The following SAMD4A variants were observed in gnomAD, a reference collection of about 807,000 sequenced individuals.
SAMD4A encodes sterile alpha motif domain containing 4A, also known as protein Smaug homolog 1.
In SAMD4A, 33 loss-of-function variants were observed where a neutral mutation model predicts 81.3. That is an observed-to-expected ratio of 0.41 (90% CI 0.31 to 0.54). The LOEUF is 0.54. Among genes scored for constraint, SAMD4A ranks in the 20% least tolerant of loss-of-function variants. SAMD4A has a pLI of 0.37. For synonymous variants in SAMD4A, 389 were observed against 382.1 expected (o/e 1.02, Z -0.21); for missense variants, 854 against 951.1 (o/e 0.90, Z 1.34).
At chr14:54,664,555 A>G (rs2035715028) in intron 2 of SAMD4A, among the ~76,000 whole-genome samples, 1 of 151,922 alleles carries the variant, frequency 6.6e-6, no homozygotes, top group Non-Finnish European at 1.5e-5. Flanking sequence ...TTTCTCACAA[A>G]TGCACTTCCT....
In SAMD4A at chr14:54,710,319, G is replaced by A. The variant is rs566058847; in HGVS notation, c.715+7739G>A. Among the ~76,000 whole-genome samples, 4 of 152,210 alleles carry A rather than the reference G, an allele frequency of 2.6e-5. No homozygotes were observed. The East Asian group carries it at 7.7e-4, about 29-fold the overall frequency. ...CAATGATAGCACACACCTACATAGTGTTTACTATATATTGGGTACTGTTTA... is the reference window on the plus strand; with the variant it reads ...CAATGATAGCACACACCTACATAGTATTTACTATATATTGGGTACTGTTTA... On this transcript the variant is annotated intron_variant, in intron 3 of 12. Transcript: ENST00000554335.
In SAMD4A at chr14:54,776,546, G is replaced by A; in HGVS notation, c.2044+6G>A. 6.4e-7 allele frequency: 1 copy of A among 1,556,436 alleles called. No individual in the cohort carries two copies. The highest frequency in any genetic ancestry group is 8.7e-7 in the Non-Finnish European group (1 of 1,154,340). ...GCTGATGTTCCAGCAGCCAGGTAGGGCCCGGCGCTTCATGTCCCCTTGACA... is the reference window on the plus strand; with the variant it reads ...GCTGATGTTCCAGCAGCCAGGTAGGACCCGGCGCTTCATGTCCCCTTGACA... On this transcript the variant is annotated splice_donor_region_variant and intron_variant, in intron 11 of 12. Coordinates refer to ENST00000554335, the MANE Select transcript of SAMD4A (RefSeq NM_015589.6).
intron 2 of SAMD4A, among the ~76,000 whole-genome samples, chr14:54,596,851 G>A (rs897923796): frequency 1.3e-5 from 2 of 152,156 alleles, no homozygotes; most frequent in Admixed American, 6.5e-5. Flanking sequence ...GGTTCTTGGT[G>A]GGGGAGGGGG....
At chr14:54,771,168 C>G (rs1376571823) in intron 9 of SAMD4A, among the ~76,000 whole-genome samples, 1 of 152,122 alleles carries the variant, frequency 6.6e-6, no homozygotes, top group Non-Finnish European at 1.5e-5. Context: ...GAAAAGACTT[C>G]ATGAAAGATT....
chr14:54,620,019 A>C lies in SAMD4A; in HGVS notation c.196+51907A>C, dbSNP rs182184733. On this transcript the variant is annotated intron_variant, in intron 2 of 12. Transcript: ENST00000554335. ...AACTTCTATCATCTAGATGACCTTAAATTTAGCATTTCTTCTACCAGTCAT... is the reference window on the plus strand; with the variant it reads ...AACTTCTATCATCTAGATGACCTTACATTTAGCATTTCTTCTACCAGTCAT... 9.9e-5 allele frequency among the ~76,000 whole-genome samples: 15 copies of C among 151,884 alleles called. No homozygotes were observed. In the East Asian group the frequency reaches 2.3e-3, roughly 23 times the overall value.
At chr14:54,678,611 C>G (rs896227153) in intron 2 of SAMD4A, among the ~76,000 whole-genome samples, 2 of 144,134 alleles carry the variant, frequency 1.4e-5, no homozygotes, top group Non-Finnish European at 3.0e-5. Flanking sequence ...TGCAGCGGCG[C>G]GATCACGGCT....
chr14:54,662,584 A>AT (rs930273395), intron 2 of SAMD4A, among the ~76,000 whole-genome samples: 119 of 146,740 alleles, frequency 8.1e-4, no homozygotes, highest in South Asian at 1.7e-3. Context: ...TAACTTTTGT[A>AT]TTTTTTTTTT....
intron 2 of SAMD4A, among the ~76,000 whole-genome samples, chr14:54,679,979 G>A (rs998549652): frequency 2.0e-5 from 3 of 152,206 alleles, no homozygotes; most frequent in Admixed American, 6.5e-5. Context: ...CCAAATGATC[G>A]TGGACAGGTG....
chr14:54,778,582 C>T (rs1231509547), intron 11 of SAMD4A, among the ~76,000 whole-genome samples: 4 of 152,204 alleles, frequency 2.6e-5, no homozygotes, highest in Admixed American at 6.5e-5. Context: ...TAATATGCTT[C>T]GCACACTGGA....
At chr14:54,754,711 C>G (rs1400945747) in intron 6 of SAMD4A, 1 of 390,252 alleles carries the variant, frequency 2.6e-6, no homozygotes, top group Non-Finnish European at 3.5e-6. Flanking sequence ...GTCATCTGCC[C>G]TTGCCTGCCT....
intron 2 of SAMD4A, among the ~76,000 whole-genome samples, chr14:54,647,675 T>C (rs1176954641): frequency 6.6e-6 from 1 of 152,232 alleles, no homozygotes; most frequent in Non-Finnish European, 1.5e-5. Flanking sequence ...GTGTGTAATA[T>C]ACCTTTTCCT....
chr14:54,740,184 A>G (rs1218296807), intron 4 of SAMD4A, among the ~76,000 whole-genome samples: 1 of 152,234 alleles, frequency 6.6e-6, no homozygotes, highest in East Asian at 1.9e-4. Flanking sequence ...AAATAAAAAC[A>G]TAAAAAATAA....
chr14:54,758,716 G>A (rs2038311170), intron 6 of SAMD4A, among the ~76,000 whole-genome samples: 1 of 152,184 alleles, frequency 6.6e-6, no homozygotes, highest in South Asian at 2.1e-4. Flanking sequence ...CATAATCCCA[G>A]CTATTCGGGA....
rs143416209 is a variant in SAMD4A at position 54,702,446 on chromosome 14, G to A, written c.581G>A (p.Arg194Gln). 8.9e-5 allele frequency: 144 copies of A among 1,614,116 alleles called. 1 individual carries two copies. The Middle Eastern group carries it at 1.5e-3, about 17-fold the overall frequency. ...AAGCTCAATGGGTGGCAGAACTCTC[G>A]GGATTCTGGGATTTGCATCAATGCC... ...DDKLNGWQNS[R>Q]DSGICINASN... The change falls in exon 3 of 13, where the codon CGG becomes CAG. Residue 194 changes from arginine to glutamine, a missense_variant. By Grantham distance (43) the Arg-to-Gln change is conservative. This residue lies in a region of SAMD4A where 387 missense variants were observed against 405.8 expected (regional missense o/e 0.95). Coordinates refer to ENST00000554335, the MANE Select transcript of SAMD4A (RefSeq NM_015589.6).
intron 3 of SAMD4A, among the ~76,000 whole-genome samples, chr14:54,716,617 C>G (rs1209135902): frequency 6.6e-6 from 1 of 152,168 alleles, no homozygotes; most frequent in African/African-American, 2.4e-5. Context: ...TTTGCCGGAA[C>G]TCTTAAATGG....
chr14:54,636,294 T>C (rs773535884), intron 2 of SAMD4A, among the ~76,000 whole-genome samples: 1 of 152,058 alleles, frequency 6.6e-6, no homozygotes, highest in Non-Finnish European at 1.5e-5. Flanking sequence ...CTGGTGTGAC[T>C]GGAGAGGAGT....
chr14:54,732,438 C>A (rs755559638), intron 3 of SAMD4A, among the ~76,000 whole-genome samples: 13 of 152,078 alleles, frequency 8.5e-5, no homozygotes, highest in Non-Finnish European at 1.9e-4. Flanking sequence ...AAATTATATT[C>A]TTTCAGAAGG....
At chr14:54,699,023 G>C (rs907388974) in intron 2 of SAMD4A, among the ~76,000 whole-genome samples, 1 of 151,876 alleles carries the variant, frequency 6.6e-6, no homozygotes, top group Non-Finnish European at 1.5e-5. Context: ...TCAGCCTCAT[G>C]AATTTTTTAT....
intron 2 of SAMD4A, among the ~76,000 whole-genome samples, chr14:54,599,924 T>G (rs2034010365): frequency 6.6e-6 from 1 of 152,156 alleles, no homozygotes; most frequent in African/African-American, 2.4e-5. Flanking sequence ...AAATAAAAAT[T>G]TCGAGAGAGT....
Sources: gnomAD v4.1 joint callset for allele counts (sites outside exome capture counted in the v4.1 genomes callset) on GRCh38, gnomAD v4.1.1 for gene constraint, gnomAD v4.1.1 regional missense constraint, MANE v1.5 for transcripts, NCBI Gene and HGNC (gene_info 2026-07-23, HGNC 2026-07-21) for gene names.